MPPED2: variants seen among roughly 807,000 people sequenced by gnomAD.
The protein encoded by MPPED2 is metallophosphoesterase MPPED2.
A neutral mutation model predicts 33.0 loss-of-function variants in MPPED2; 5 were observed. That is an observed-to-expected ratio of 0.15 (90% CI 0.08 to 0.32). The LOEUF (loss-of-function observed/expected upper bound fraction) is 0.32. Among genes scored for constraint, MPPED2 ranks in the 10% least tolerant of loss-of-function variants. The pLI, the probability that MPPED2 is intolerant of heterozygous loss-of-function variation, is 1.00. For synonymous variants in MPPED2, 136 were observed against 141.9 expected (o/e 0.96, Z 0.29); for missense variants, 275 against 372.1 (o/e 0.74, Z 2.15).
intron 4 of MPPED2, among the ~76,000 whole-genome samples, chr11:30,446,137 T>A (rs1468190503): frequency 6.6e-6 from 1 of 152,202 alleles, no homozygotes; most frequent in Non-Finnish European, 1.5e-5. Context: ...CAATATAAAA[T>A]GAATAGCTTT....
downstream of MPPED2, among the ~76,000 whole-genome samples, chr11:30,408,849 C>T (rs530875719): frequency 4.6e-5 from 7 of 152,250 alleles, no homozygotes; most frequent in South Asian, 2.1e-4. Context: ...TGGTGATGGA[C>T]GGATAGGAAG....
At chr11:30,506,401 G>A (rs1251208804) in intron 3 of MPPED2, among the ~76,000 whole-genome samples, 1 of 152,034 alleles carries the variant, frequency 6.6e-6, no homozygotes, top group African/African-American at 2.4e-5. Context: ...ATCAGAATAA[G>A]GAGCCCATCT....
chr11:30,575,834 A>T (rs1298152626), intron 2 of MPPED2, among the ~76,000 whole-genome samples: 3 of 152,172 alleles, frequency 2.0e-5, no homozygotes, highest in African/African-American at 7.2e-5. Flanking sequence ...TAGGCTGTTT[A>T]TAATCTTGAA....
chr11:30,581,732 C>G (rs1957178830), intron 1 of MPPED2, among the ~76,000 whole-genome samples: 1 of 152,192 alleles, frequency 6.6e-6, no homozygotes, highest in African/African-American at 2.4e-5. Context: ...GAGTAATCCC[C>G]CATATGCTAG....
intron 4 of MPPED2, among the ~76,000 whole-genome samples, chr11:30,483,854 T>G (rs573199640): frequency 6.6e-6 from 1 of 152,116 alleles, no homozygotes. Flanking sequence ...GATTGATATA[T>G]CCCAGAAATT....
chr11:30,585,853 G>A (rs1957443023), intron 1 of MPPED2, among the ~76,000 whole-genome samples, 189 bp downstream of exon 1: 1 of 152,220 alleles, frequency 6.6e-6, no homozygotes, highest in African/African-American at 2.4e-5. Context: ...TCGTGCGGAT[G>A]TCAGGGGCAC....
At position 30,549,570 on chromosome 11, in the gene MPPED2, A is replaced by G. The variant is rs140896735; in HGVS notation, c.129-13395T>C. 5.6e-3 allele frequency among the ~76,000 whole-genome samples: 850 copies of G among 152,300 alleles called. 10 individuals are homozygous for G. Among genetic ancestry groups the G allele is most frequent in the African/African-American group, 0.02 (821 of 41,570 alleles). ...GGTCTCCTATAACTCAGGAATATCA[A>G]CTGTCTCTGTTAAGAGCAATGATGG... is the stretch of plus-strand genomic sequence containing the variant. On this transcript the variant is annotated intron_variant, in intron 2 of 6. Coordinates refer to ENST00000358117, the MANE Select transcript of MPPED2 (RefSeq NM_001584.3).
chr11:30,398,901 T>C (rs528222399), intron 6 of MPPED2, among the ~76,000 whole-genome samples: 5 of 152,220 alleles, frequency 3.3e-5, no homozygotes, highest in Admixed American at 6.5e-5. Flanking sequence ...TTGATGATAA[T>C]GGTTATAAAT....
At chr11:30,448,870 T>TCTCGAACTCCCGAC (rs1949927490) in intron 4 of MPPED2, among the ~76,000 whole-genome samples, 1 of 151,868 alleles carries the variant, frequency 6.6e-6, no homozygotes, top group African/African-American at 2.4e-5. Context: ...TTGGTCAGGA[T>TCTCGAACTCCCGAC]CTCGAACTCC....
chr11:30,391,581 G>C (rs1209841162), intron 6 of MPPED2, among the ~76,000 whole-genome samples: 3 of 152,116 alleles, frequency 2.0e-5, no homozygotes, highest in Admixed American at 1.3e-4. Flanking sequence ...AAAATGGAAT[G>C]ATTGTGTATG....
At chr11:30,582,713 A>G (rs1265046082) in intron 1 of MPPED2, among the ~76,000 whole-genome samples, 1 of 152,236 alleles carries the variant, frequency 6.6e-6, no homozygotes, top group East Asian at 1.9e-4. Context: ...CAGCTGATCA[A>G]TTTGCACTTC....
At chr11:30,421,038 T>C (rs1177840161) in intron 4 of MPPED2, among the ~76,000 whole-genome samples, 1 of 152,218 alleles carries the variant, frequency 6.6e-6, no homozygotes, top group Non-Finnish European at 1.5e-5. Context: ...TCTGGGCCTA[T>C]GGTTCTCATC....
At chr11:30,472,012 TA>T (rs35026139) in intron 4 of MPPED2, among the ~76,000 whole-genome samples, 34,299 of 152,078 alleles carry the variant, frequency 0.23, 4,893 homozygotes, top group Non-Finnish European at 0.32. Context: ...CAATCCCAGC[TA>T]CAGTGCACGC....
chr11:30,471,909 C>T (rs918916296), intron 4 of MPPED2, among the ~76,000 whole-genome samples: 3 of 151,966 alleles, frequency 2.0e-5, no homozygotes, highest in East Asian at 1.9e-4. Context: ...AATTTAATGC[C>T]CAGACTCAGA....
At position 30,529,523 on chromosome 11, in the gene MPPED2, T is replaced by TTGTG. The variant is rs35929058; in HGVS notation, c.310+6467_310+6470dup. Among the ~76,000 whole-genome samples the TTGTG allele has an allele frequency of 2.6e-3, 386 of 150,278 alleles. 2 individuals carry two copies. The highest frequency in any genetic ancestry group is 0.018 in the South Asian group (84 of 4,756). On this transcript the variant is annotated intron_variant, in intron 3 of 6. Transcript: ENST00000358117. The stretch of plus-strand genomic sequence containing the variant: ...AGACTTATATTTTGGCAAAAGATAT[T>TTGTG]TGTGTGTGTGTGTGTGTGTGTATTT...
At chr11:30,386,957 A>G in exon 7 of MPPED2, 1 of 392,100 alleles carries the variant, frequency 2.6e-6, no homozygotes, top group Admixed American at 4.4e-5. Flanking sequence ...CAGTCCCGCA[A>G]AGTAAGCAAT....
intron 2 of MPPED2, among the ~76,000 whole-genome samples, chr11:30,566,499 C>A (rs762682180): frequency 6.6e-6 from 1 of 152,116 alleles, no homozygotes; most frequent in East Asian, 1.9e-4. Context: ...CTGAAAAAAA[C>A]ACGGGAGACT....
At chr11:30,405,968 G>T (rs1280740069), downstream of MPPED2, among the ~76,000 whole-genome samples, 3 of 152,028 alleles carry the variant, frequency 2.0e-5, no homozygotes, top group Non-Finnish European at 4.4e-5. Flanking sequence ...CAAAGTTGGG[G>T]GCTCTTACCA....
chr11:30,539,040 T>C (rs1340874602), intron 2 of MPPED2, among the ~76,000 whole-genome samples: 1 of 151,904 alleles, frequency 6.6e-6, no homozygotes, highest in Non-Finnish European at 1.5e-5. Flanking sequence ...GAGTTGAAAA[T>C]AAGACCTCTA....
Sources: allele counts gnomAD v4.1 joint callset (sites outside exome capture counted in the v4.1 genomes callset), GRCh38; gene constraint gnomAD v4.1.1; transcripts MANE v1.5; gene names NCBI Gene and HGNC (gene_info 2026-07-23, HGNC 2026-07-21).